DLC1: variants seen among roughly 807,000 people sequenced by gnomAD.
DLC1 encodes rho GTPase-activating protein 7.
DLC1 carries 54 observed loss-of-function variants against 140.3 expected under a neutral mutation model. That is an observed-to-expected ratio of 0.38 (90% confidence interval 0.31 to 0.48). The LOEUF (loss-of-function observed/expected upper bound fraction) is 0.48. Ranked by LOEUF, DLC1 falls within the 20% of genes least tolerant of loss-of-function variation. The pLI is 0.96. For synonymous variants in DLC1, 986 were observed against 728.1 expected (o/e 1.35, Z -5.70); for missense variants, 2,536 against 1,907.0 (o/e 1.33, Z -6.14).
chr8:13,557,497 C>A (rs1405299072), intron 1 of DLC1, among the ~76,000 whole-genome samples: 1 of 152,196 alleles, frequency 6.6e-6, no homozygotes, highest in Non-Finnish European at 1.5e-5. Flanking sequence ...GAATTGTAAT[C>A]CCCATGTGTC....
At chr8:13,532,391 T>G (rs1020638433) in intron 1 of DLC1, among the ~76,000 whole-genome samples, 1 of 152,226 alleles carries the variant, frequency 6.6e-6, no homozygotes, top group South Asian at 2.1e-4. Flanking sequence ...TAAGGTGGGA[T>G]AAGAATAAGA....
intron 4 of DLC1, among the ~76,000 whole-genome samples, chr8:13,373,271 T>C (rs1835810077): frequency 6.6e-6 from 1 of 152,232 alleles, no homozygotes; most frequent in African/African-American, 2.4e-5. Flanking sequence ...TTCATTAGTG[T>C]CATTTTGAAT....
At chr8:13,500,471 C>A (rs553459652) in intron 1 of DLC1, among the ~76,000 whole-genome samples, 1 of 152,248 alleles carries the variant, frequency 6.6e-6, no homozygotes, top group South Asian at 2.1e-4. Context: ...AAATACTGAA[C>A]ATTTAAAACT....
At chr8:13,352,335 T>C (rs1834714572) in intron 4 of DLC1, among the ~76,000 whole-genome samples, 1 of 152,222 alleles carries the variant, frequency 6.6e-6, no homozygotes, top group African/African-American at 2.4e-5. Context: ...TTTGCTTTTA[T>C]TTTTTAAATT....
At chr8:13,513,453 C>T (rs1202932426) in intron 1 of DLC1, among the ~76,000 whole-genome samples, 1 of 151,928 alleles carries the variant, frequency 6.6e-6, no homozygotes, top group African/African-American at 2.4e-5. Flanking sequence ...AGATGGTCAC[C>T]TTGTACTATA....
At chr8:13,429,025 A>T (rs1838738810) in intron 2 of DLC1, among the ~76,000 whole-genome samples, 1 of 152,220 alleles carries the variant, frequency 6.6e-6, no homozygotes, top group African/African-American at 2.4e-5. Flanking sequence ...GACTCTAGAG[A>T]CATTGACCTT....
intron 4 of DLC1, among the ~76,000 whole-genome samples, chr8:13,326,886 A>G (rs932359907): frequency 4.6e-5 from 7 of 152,188 alleles, no homozygotes; most frequent in Non-Finnish European, 1.0e-4. Flanking sequence ...TGTTGTGCAT[A>G]TGGCTGCACC....
chr8:13,390,608 G>A (rs187589004), intron 4 of DLC1, among the ~76,000 whole-genome samples: 13 of 152,300 alleles, frequency 8.5e-5, no homozygotes, highest in African/African-American at 3.1e-4. Flanking sequence ...CTAGATGGCA[G>A]GTAGATAGGT....
intron 3 of DLC1, 106 bp from the exon 4 acceptor site, chr8:13,393,799 T>A: frequency 7.6e-7 from 1 of 1,323,876 alleles, no homozygotes; most frequent in East Asian, 2.3e-5. Flanking sequence ...CAGTGCACAC[T>A]GATACACTAA....
intron 3 of DLC1, 64 bp downstream of exon 3, chr8:13,401,406 G>C (rs1011995235): frequency 7.7e-6 from 12 of 1,567,762 alleles, no homozygotes; most frequent in South Asian, 1.2e-5. Flanking sequence ...CTTTGCAAGA[G>C]GGACTGTATA....
chr8:13,532,717 A>C (rs889543494), intron 1 of DLC1, among the ~76,000 whole-genome samples: 8 of 152,144 alleles, frequency 5.3e-5, no homozygotes, highest in African/African-American at 1.9e-4. Flanking sequence ...GGCCTCCCAT[A>C]GTGCTGGGAC....
chr8:13,177,952 T>G (rs1182940647), intron 5 of DLC1, among the ~76,000 whole-genome samples: 4 of 152,184 alleles, frequency 2.6e-5, no homozygotes, highest in African/African-American at 9.6e-5. Context: ...ACACTTAAAC[T>G]AAGATTTCAG....
chr8:13,468,353 C>A (rs1206111058), intron 2 of DLC1, among the ~76,000 whole-genome samples: 2 of 123,588 alleles, frequency 1.6e-5, no homozygotes, highest in Non-Finnish European at 1.7e-5. Context: ...CCTCCCCTCC[C>A]CTCCCCTCCC....
chr8:13,103,620 C>T (rs1819293035), intron 7 of DLC1, among the ~76,000 whole-genome samples: 1 of 151,848 alleles, frequency 6.6e-6, no homozygotes, highest in Admixed American at 6.6e-5. Context: ...AGGCAGATCA[C>T]CTGAAGTCAG....
At chr8:13,173,414 C>CA (rs1244997405) in intron 5 of DLC1, among the ~76,000 whole-genome samples, 14 of 140,586 alleles carry the variant, frequency 1.0e-4, no homozygotes, top group Admixed American at 4.4e-4. Context: ...GCTCTATCTC[C>CA]AGGCTGGAGC....
intron 4 of DLC1, among the ~76,000 whole-genome samples, chr8:13,329,771 T>C (rs529907327): frequency 1.3e-5 from 2 of 152,168 alleles, no homozygotes; most frequent in Admixed American, 6.5e-5. Context: ...TTAGGATCCT[T>C]AAGAACAGGA....
At chr8:13,175,807 C>A (rs1233504373) in intron 5 of DLC1, among the ~76,000 whole-genome samples, 2 of 152,164 alleles carry the variant, frequency 1.3e-5, no homozygotes, top group East Asian at 3.9e-4. Context: ...CATGGCAGCA[C>A]AATCATGATA....
intron 1 of DLC1, among the ~76,000 whole-genome samples, chr8:13,551,952 T>C (rs1316575152): frequency 6.9e-6 from 1 of 144,004 alleles, no homozygotes; most frequent in Non-Finnish European, 1.5e-5. Flanking sequence ...TATGTACCTC[T>C]AGACAGGTGT....
At chr8:13,403,041 G>A (rs545710335) in intron 2 of DLC1, among the ~76,000 whole-genome samples, 18 of 152,324 alleles carry the variant, frequency 1.2e-4, no homozygotes, top group South Asian at 8.3e-4. Context: ...CTTGTGCATG[G>A]TTTAACAGAT....
Sources: gnomAD v4.1 joint callset for allele counts (sites outside exome capture counted in the v4.1 genomes callset) on GRCh38, gnomAD v4.1.1 for gene constraint, MANE v1.5 for transcripts, NCBI Gene and HGNC (gene_info 2026-07-23, HGNC 2026-07-21) for gene names.